Variants in STS observed in about 807,000 individuals in gnomAD.
STS encodes the protein steryl-sulfatase.
Under a neutral mutation model 26.8 loss-of-function variants are expected in STS, and 7 were observed. The observed-to-expected ratio is 0.26, with a 90% CI of 0.15 to 0.49. The LOEUF is 0.49. Ranked by LOEUF, STS falls within the 20% of genes least tolerant of loss-of-function variation. The pLI is 0.98. For synonymous variants in STS, 199 were observed against 189.4 expected (o/e 1.05, Z -0.42); for missense variants, 434 against 465.6 (o/e 0.93, Z 0.63).
intron 2 of STS, among the ~76,000 whole-genome samples, chrX:7,223,430 A>G (rs1319865332): frequency 3.6e-5 from 4 of 112,134 alleles, no homozygotes; most frequent in Non-Finnish European, 5.6e-5. Context: ...ACTTTTTAAT[A>G]TAGCCCTTCT....
chrX:7,283,647 A>T (rs1924985629), intron 7 of STS, among the ~76,000 whole-genome samples: 1 of 110,508 alleles, frequency 9.0e-6, no homozygotes, highest in South Asian at 3.9e-4. Flanking sequence ...AGGGCCAGAA[A>T]GTAGGATCAC....
chrX:7,196,185 A>G (rs780743665), intron 2 of STS, among the ~76,000 whole-genome samples: 36 of 112,112 alleles, frequency 3.2e-4, no homozygotes, highest in Non-Finnish European at 5.3e-4. Flanking sequence ...AGTGAAAGAG[A>G]GAAAGGTGTG....
intron 7 of STS, among the ~76,000 whole-genome samples, chrX:7,284,955 GTGA>G (rs796509541): frequency 5.9e-4 from 65 of 110,728 alleles, no homozygotes; most frequent in South Asian, 2.3e-3. Context: ...GCTGATGATG[GTGA>G]TGATGATGAT....
At chrX:7,333,169 C>G (rs1927841740) in intron 9 of STS, among the ~76,000 whole-genome samples, 1 of 112,371 alleles carries the variant, frequency 8.9e-6, no homozygotes, top group African/African-American at 3.2e-5. Context: ...AAGTTAAACA[C>G]TCACCCTTTC....
intron 8 of STS, among the ~76,000 whole-genome samples, chrX:7,312,874 T>A (rs1382539117): frequency 8.9e-6 from 1 of 112,451 alleles, no homozygotes; most frequent in Non-Finnish European, 1.9e-5. Flanking sequence ...CTTCCTTCTG[T>A]CTCCTTCTCT....
chrX:7,336,239 G>GCCGCCCCCCCCCCC, intron 10 of STS, among the ~76,000 whole-genome samples: 1 of 88,769 alleles, frequency 1.1e-5, no homozygotes, highest in African/African-American at 4.1e-5. Context: ...ACCTAGGACT[G>GCCGCCCCCCCCCCC]CCCCCCCCAC....
chrX:7,350,534 G>T lies in STS; in HGVS notation c.*273G>T. On this transcript the variant is annotated 3_prime_UTR_variant, in exon 11 of 11. Coordinates refer to ENST00000674429, the MANE Select transcript of STS (RefSeq NM_001320752.2). Reference sequence around the variant, plus strand: ...ACTCATGGAAATAGAATGAATAGAGGGGCATTCACAAGGCACACCAGTGCA... The same window carrying T: ...ACTCATGGAAATAGAATGAATAGAGTGGCATTCACAAGGCACACCAGTGCA... The T allele has an allele frequency of 5.4e-6, 2 of 373,283 alleles. No homozygotes were observed. Among genetic ancestry groups the T allele is most frequent in the Middle Eastern group, 7.5e-4 (1 of 1,325 alleles). The allele number at this position is 373,283 out of a possible 1,213,427, so 30.8% of individuals were successfully genotyped here.
At chrX:7,214,974 A>G (rs1039812910) in intron 2 of STS, among the ~76,000 whole-genome samples, 111 of 63,455 alleles carry the variant, frequency 1.7e-3, no homozygotes, top group East Asian at 6.5e-3. Flanking sequence ...TTATATATGT[A>G]TATATACATA....
At chrX:7,263,310 C>G (rs991820460) in intron 6 of STS, among the ~76,000 whole-genome samples, 8 of 112,318 alleles carry the variant, frequency 7.1e-5, no homozygotes, top group Non-Finnish European at 1.5e-4. Context: ...CTCAAATGAT[C>G]CACCCGCCTC....
intron 7 of STS, among the ~76,000 whole-genome samples, chrX:7,291,236 A>ACTGT (rs1167055723): frequency 7.2e-5 from 8 of 111,434 alleles, no homozygotes; most frequent in African/African-American, 2.6e-4. Context: ...CTGGGAGCTA[A>ACTGT]CTGTCTGTCT....
intron 2 of STS, among the ~76,000 whole-genome samples, chrX:7,196,585 T>A (rs1221802584): frequency 2.7e-5 from 3 of 111,566 alleles, no homozygotes; most frequent in Non-Finnish European, 5.7e-5. Flanking sequence ...TTTCTAGCCA[T>A]GGGATCCACA....
At chrX:7,317,038 C>G (rs1282621170) in intron 8 of STS, among the ~76,000 whole-genome samples, 2 of 112,011 alleles carry the variant, frequency 1.8e-5, no homozygotes, top group African/African-American at 6.5e-5. Context: ...AAAATAGAAG[C>G]CTGGTTTGCA....
intron 1 of STS, among the ~76,000 whole-genome samples, chrX:7,159,632 C>T (rs1933203091): frequency 8.9e-6 from 1 of 111,966 alleles, no homozygotes; most frequent in Admixed American, 9.5e-5. Flanking sequence ...TCTCAGTGAA[C>T]TCCTGATTGT....
chrX:7,313,088 C>T (rs780658538), intron 8 of STS, among the ~76,000 whole-genome samples: 1 of 112,562 alleles, frequency 8.9e-6, no homozygotes, highest in Non-Finnish European at 1.9e-5. Context: ...GAAGGAGGCT[C>T]TTCCTCCCTC....
In STS at chrX:7,343,529, G is replaced by T. The variant is rs375470193; in HGVS notation, c.1364-6359G>T. Among the ~76,000 whole-genome samples, 6 of 112,071 alleles carry T rather than the reference G, an allele frequency of 5.4e-5. No individual in the cohort carries two copies. In the East Asian group the frequency reaches 8.4e-4, roughly 16 times the overall value. The stretch of plus-strand genomic sequence containing the variant: ...TCCTCAAAGCAATGCTACCAGGGAA[G>T]AACTATTATTATGAACATTTAACAG... On this transcript the variant is annotated intron_variant, in intron 10 of 10. Coordinates refer to ENST00000674429, the MANE Select transcript of STS (RefSeq NM_001320752.2).
At chrX:7,191,503 T>A (rs1367385965) in intron 2 of STS, among the ~76,000 whole-genome samples, 1 of 112,061 alleles carries the variant, frequency 8.9e-6, no homozygotes, top group Non-Finnish European at 1.9e-5. Context: ...CAGAATGGGG[T>A]CCCTCCTCTC....
At chrX:7,178,957 GCTCTCTCTGTCCTT>G (rs1265193173) in intron 1 of STS, among the ~76,000 whole-genome samples, 3 of 105,526 alleles carry the variant, frequency 2.8e-5, no homozygotes, top group East Asian at 3.1e-4. Context: ...GTGATAATGG[GCTCTCTCTGTCCTT>G]CTCTCTCTGT....
intron 1 of STS, among the ~76,000 whole-genome samples, chrX:7,160,890 A>G (rs1274763520): frequency 8.9e-6 from 1 of 112,255 alleles, no homozygotes; most frequent in Non-Finnish European, 1.9e-5. Context: ...GCCTACTTCT[A>G]GAGGGGCATA....
At chrX:7,252,430 T>C (rs1923183740) in intron 2 of STS, 1 of 239,312 alleles carries the variant, frequency 4.2e-6, no homozygotes, top group African/African-American at 3.0e-5. Context: ...GGGAAACCTG[T>C]TGAGCAACCT....
Sources: gnomAD v4.1 joint callset for allele counts (sites outside exome capture counted in the v4.1 genomes callset) on GRCh38, gnomAD v4.1.1 for gene constraint, MANE v1.5 for transcripts, NCBI Gene and HGNC (gene_info 2026-07-23, HGNC 2026-07-21) for gene names.